Variants in MPP1 observed in about 807,000 individuals in gnomAD.
MPP1 encodes MAGUK p55 scaffold protein 1, also known as 55 kDa erythrocyte membrane protein.
Under a neutral mutation model 38.2 loss-of-function variants are expected in MPP1, and 6 were observed. That is an observed-to-expected ratio of 0.16 (90% CI 0.09 to 0.31). The LOEUF is 0.31. MPP1 is among the 10% of genes least tolerant of loss of function. The pLI, the probability that MPP1 is intolerant of heterozygous loss-of-function variation, is 1.00. For synonymous variants in MPP1, 153 were observed against 146.3 expected (o/e 1.05, Z -0.33); for missense variants, 293 against 368.9 (o/e 0.79, Z 1.69).
At chrX:154,800,918 G>A (rs947231187) in intron 1 of MPP1, among the ~76,000 whole-genome samples, 9 of 112,261 alleles carry the variant, frequency 8.0e-5, no homozygotes, top group Non-Finnish European at 1.5e-4. Context: ...AACCTATTAT[G>A]TGTTTTGTTC....
chrX:154,781,166 G>T, intron 11 of MPP1, 73 bp downstream of exon 11: 3 of 941,771 alleles, frequency 3.2e-6, no homozygotes, highest in Non-Finnish European at 4.5e-6. Flanking sequence ...TCTGGCCAAT[G>T]ACCTGGACTG....
intron 1 of MPP1, chrX:154,799,706 CTGCTGGGAT>C: frequency 8.8e-7 from 1 of 1,137,091 alleles, no homozygotes; most frequent in Non-Finnish European, 1.2e-6. Flanking sequence ...TTAAGGATGA[CTGCTGGGAT>C]TCAGGAGGAG....
intron 1 of MPP1, among the ~76,000 whole-genome samples, chrX:154,793,664 ATAT>A (rs2072166517): frequency 8.9e-6 from 1 of 112,124 alleles, no homozygotes; most frequent in South Asian, 3.7e-4. Flanking sequence ...TCTTTAAAAA[ATAT>A]TATAAAATTT....
At chrX:154,784,787 CCCA>C (rs1557267009) in intron 7 of MPP1, 3 of 419,370 alleles carry the variant, frequency 7.2e-6, no homozygotes, top group South Asian at 5.7e-5. Flanking sequence ...CTTCCCCTCT[CCCA>C]CCACATCTAC....
intron 6 of MPP1, among the ~76,000 whole-genome samples, 163 bp from the exon 7 acceptor site, chrX:154,785,320 C>G (rs1282878642): frequency 9.2e-6 from 1 of 108,351 alleles, no homozygotes; most frequent in Non-Finnish European, 1.9e-5. Context: ...GCATCTTGCA[C>G]TGTGCCCTGC....
At position 154,779,094 on chromosome X, in the gene MPP1, C is replaced by T. The variant is rs2071955790; in HGVS notation, c.*83G>A. The T allele has an allele frequency of 1.1e-6, 1 of 946,171 alleles. No individual in the cohort carries two copies. The highest frequency in any genetic ancestry group is 1.9e-5 in the African/African-American group (1 of 51,745). 78.0% of individuals were successfully genotyped at this position (946,171 alleles called of 1,213,427 possible). A position where few individuals can be genotyped will look rare whatever the true frequency, so the allele number is the denominator to read the frequency against. On this transcript the variant is annotated 3_prime_UTR_variant, in exon 12 of 12. Transcript: ENST00000369534. Reference sequence around the variant, plus strand: ...GAAGCTGACACAAAACTAGTTGGAGCAGCCCTGTTTGTCTTAAAGCAAGGC... The same window carrying T: ...GAAGCTGACACAAAACTAGTTGGAGTAGCCCTGTTTGTCTTAAAGCAAGGC...
chrX:154,798,134 G>A (rs1176625173), intron 1 of MPP1, among the ~76,000 whole-genome samples: 1 of 112,439 alleles, frequency 8.9e-6, no homozygotes, highest in African/African-American at 3.2e-5. Flanking sequence ...CATAACTGGT[G>A]AAGCTGAGGG....
intron 3 of MPP1, 68 bp from the exon 4 acceptor site, chrX:154,791,136 A>C: frequency 1.3e-5 from 12 of 908,655 alleles, no homozygotes; most frequent in Non-Finnish European, 1.7e-5. Flanking sequence ...AATGTAACTC[A>C]AGATACCATA....
At chrX:154,803,194 G>C (rs1476234561) in intron 1 of MPP1, among the ~76,000 whole-genome samples, 4 of 112,509 alleles carry the variant, frequency 3.6e-5, no homozygotes, top group Non-Finnish European at 7.5e-5. Context: ...GCAAAGACTG[G>C]TAAGAGCCCC....
At chrX:154,800,580 A>G (rs782288817) in intron 1 of MPP1, among the ~76,000 whole-genome samples, 60 of 112,521 alleles carry the variant, frequency 5.3e-4, no homozygotes, top group Non-Finnish European at 1.0e-3. Context: ...GAGTCCCCAC[A>G]CTGCCATTAA....
At chrX:154,782,681 G>C (rs1557266757) in intron 9 of MPP1, 1 of 112,688 alleles carries the variant, frequency 8.9e-6, no homozygotes, top group African/African-American at 3.2e-5. Context: ...ATTATCAGTA[G>C]GTTCTTAGAA....
Position 154,786,895 on chromosome X carries a change from C to CAAA in MPP1, c.481-498_481-496dup, listed in dbSNP as rs782470556. Among the ~76,000 whole-genome samples the CAAA allele has an allele frequency of 1.0e-3, 26 of 25,565 alleles. 2 individuals are homozygous for CAAA. Among genetic ancestry groups the CAAA allele is most frequent in the Non-Finnish European group, 1.1e-3 (20 of 17,603 alleles). 22.2% of individuals were successfully genotyped at this position (25,565 alleles called of 115,157 possible). A position where few individuals can be genotyped will look rare whatever the true frequency, so the allele number is the denominator to read the frequency against. ...TGGGCGACAGAGTGAGACTCCGTCT[C>CAAA]AAAAAAAAAAAAAAAAAAAAAAAAA... On this transcript the variant is annotated intron_variant, in intron 5 of 11. Transcript: ENST00000369534.
intron 1 of MPP1, chrX:154,799,682 C>A: frequency 2.7e-6 from 3 of 1,096,279 alleles, no homozygotes; most frequent in Non-Finnish European, 3.6e-6. Flanking sequence ...CAAGGCAGGG[C>A]GGAAGTGGCT....
At chrX:154,796,021 C>T (rs187653085) in intron 1 of MPP1, among the ~76,000 whole-genome samples, 36 of 108,541 alleles carry the variant, frequency 3.3e-4, no homozygotes, top group Admixed American at 2.9e-3. Flanking sequence ...CCTGCCTCAA[C>T]CTTGACCCTG....
rs2072039547 is a variant in MPP1 at position 154,784,010 on chromosome X, G to A, written c.865+18C>T. The stretch of plus-strand genomic sequence containing the variant: ...AAAACAAAGACAGAAATGTGCAAAT[G>A]GGGCAATGAGAAGATACCGATCAGC... On this transcript the variant is annotated intron_variant, in intron 8 of 11. Transcript: ENST00000369534. 8.4e-7 allele frequency: 1 copy of A among 1,196,583 alleles called. No homozygotes were observed. Among genetic ancestry groups the A allele is most frequent in the African/African-American group, 1.7e-5 (1 of 57,251 alleles).
chrX:154,800,043 CCTA>C (rs1309927973), intron 1 of MPP1: 1 of 446,783 alleles, frequency 2.2e-6, no homozygotes, highest in African/African-American at 2.5e-5. Flanking sequence ...ATTTGCTCAG[CCTA>C]CTGTTAGGCT....
intron 1 of MPP1, among the ~76,000 whole-genome samples, chrX:154,804,508 G>A (rs909004171): frequency 1.4e-4 from 16 of 111,365 alleles, no homozygotes; most frequent in African/African-American, 5.2e-4. Context: ...GAGGCTGCTG[G>A]TTGATTTTCT....
intron 11 of MPP1, among the ~76,000 whole-genome samples, chrX:154,780,572 G>GGCAGAGGAGCAGGGTAGGCTT: frequency 1.8e-5 from 2 of 111,387 alleles, no homozygotes; most frequent in African/African-American, 6.7e-5. Context: ...GTGGTTGGCG[G>GGCAGAGGAGCAGGGTAGGCTT]TCCCTGTCCA....
intron 7 of MPP1, 112 bp from the exon 8 acceptor site, chrX:154,784,220 G>A: frequency 3.5e-6 from 2 of 576,750 alleles, no homozygotes; most frequent in South Asian, 2.7e-5. Flanking sequence ...GGGAGGAAGT[G>A]ACTAGAGATG....
Sources: gnomAD v4.1 joint callset for allele counts (sites outside exome capture counted in the v4.1 genomes callset) on GRCh38, gnomAD v4.1.1 for gene constraint, MANE v1.5 for transcripts, NCBI Gene and HGNC (gene_info 2026-07-23, HGNC 2026-07-21) for gene names.